Variants in RAE1 observed in about 807,000 individuals in gnomAD.
RAE1 encodes mRNA export factor RAE1.
A neutral mutation model predicts 52.7 loss-of-function variants in RAE1; 13 were observed. That is an observed-to-expected ratio of 0.25 (90% CI 0.16 to 0.39). RAE1 has a LOEUF of 0.39. RAE1 is among the 10% of genes least tolerant of loss of function. RAE1 has a pLI of 1.00. For synonymous variants in RAE1, 164 were observed against 153.1 expected (o/e 1.07, Z -0.52); for missense variants, 262 against 459.8 (o/e 0.57, Z 3.93).
At chr20:57,354,934 T>G (rs1739765941) in intron 3 of RAE1, 118 bp downstream of exon 3, 1 of 707,046 alleles carries the variant, frequency 1.4e-6, no homozygotes, top group South Asian at 2.5e-5. Context: ...TGGCCTTTTT[T>G]GAGAAATCAA....
intron 1 of RAE1, among the ~76,000 whole-genome samples, chr20:57,352,552 G>A (rs1429406652): frequency 1.3e-5 from 2 of 152,168 alleles, no homozygotes; most frequent in East Asian, 3.8e-4. Context: ...CATAAGGTGT[G>A]GTCCACACTG....
At chr20:57,373,810 G>C in intron 10 of RAE1, 72 bp downstream of exon 10, 1 of 1,488,418 alleles carries the variant, frequency 6.7e-7, no homozygotes, top group Non-Finnish European at 9.4e-7. Flanking sequence ...AGGAATTGTG[G>C]GATCAGAAAA....
At chr20:57,356,843 T>G (rs1034899869) in intron 4 of RAE1, among the ~76,000 whole-genome samples, 15 of 152,224 alleles carry the variant, frequency 9.9e-5, no homozygotes, top group African/African-American at 3.1e-4. Flanking sequence ...TGGGCGGGCC[T>G]CCTGGAGCAC....
At chr20:57,365,182 T>A (rs551486739) in intron 4 of RAE1, among the ~76,000 whole-genome samples, 174 bp from the exon 5 acceptor site, 12 of 152,324 alleles carry the variant, frequency 7.9e-5, no homozygotes, top group African/African-American at 2.6e-4. Context: ...ATGAAATAGA[T>A]GAAAATGAAT....
At chr20:57,373,300 G>A in intron 8 of RAE1, 175 bp from the exon 9 acceptor site, 1 of 631,452 alleles carries the variant, frequency 1.6e-6, no homozygotes, top group Non-Finnish European at 2.7e-6. Flanking sequence ...TAAACTCACT[G>A]CTTAGATGGA....
At chr20:57,356,360 A>G in intron 3 of RAE1, 86 bp from the exon 4 acceptor site, 1 of 977,412 alleles carries the variant, frequency 1.0e-6, no homozygotes, top group South Asian at 1.5e-5. Flanking sequence ...TGTATGGTTA[A>G]GGTGTACCCC....
chr20:57,373,831 T>C, intron 10 of RAE1, 93 bp downstream of exon 10: 1 of 1,288,014 alleles, frequency 7.8e-7, no homozygotes, highest in Admixed American at 1.8e-5. Context: ...GACTCATCAC[T>C]GAAGAGCTTG....
chr20:57,379,063 A>G lies in RAE1; in HGVS notation c.*964A>G, dbSNP rs2067152408. On this transcript the variant is annotated 3_prime_UTR_variant, in exon 12 of 12. Transcript: ENST00000395841. ...ACTGTATTTCTCACCTGTGATCTCAAATGCTTCTTAGGCCTTTCTGTTTGG... is the reference window on the plus strand; with the variant it reads ...ACTGTATTTCTCACCTGTGATCTCAGATGCTTCTTAGGCCTTTCTGTTTGG... 2.0e-5 allele frequency: 3 copies of G among 152,154 alleles called. No homozygotes were observed. Among genetic ancestry groups the G allele is most frequent in the African/African-American group, 7.2e-5 (3 of 41,432 alleles). The allele number at this position is 152,154 out of a possible 1,614,324, so 9.4% of individuals were successfully genotyped here. A position where few individuals can be genotyped will look rare whatever the true frequency, so the allele number is the denominator to read the frequency against.
chr20:57,356,349 A>G (rs562670514), intron 3 of RAE1, 97 bp from the exon 4 acceptor site: 23 of 818,164 alleles, frequency 2.8e-5, no homozygotes, highest in African/African-American at 6.7e-5. Context: ...TGAGAAGTCT[A>G]TGTATGGTTA....
chr20:57,356,602 A>T, intron 4 of RAE1, 64 bp downstream of exon 4: 1 of 1,401,930 alleles, frequency 7.1e-7, no homozygotes, highest in East Asian at 2.5e-5. Flanking sequence ...TAGAATATTT[A>T]ATAATCCAAA....
At position 57,366,719 on chromosome 20, in the gene RAE1, G is replaced by T. The variant is rs879224970; in HGVS notation, c.376-88G>T. On this transcript the variant is annotated intron_variant, in intron 5 of 11. Coordinates refer to ENST00000395841, the MANE Select transcript of RAE1 (RefSeq NM_003610.4). The stretch of plus-strand genomic sequence containing the variant: ...TGGTATGGCCCCAGTATTTAAATTA[G>T]TTTCTTCCCTTTGAATTGCCACAAC... 11 of 1,272,092 alleles carry T rather than the reference G, an allele frequency of 8.6e-6. No individual in the cohort carries two copies. The South Asian group carries it at 1.2e-4, about 14-fold the overall frequency. The allele number at this position is 1,272,092 out of a possible 1,614,324, so 78.8% of individuals were successfully genotyped here. A position where few individuals can be genotyped will look rare whatever the true frequency, so the allele number is the denominator to read the frequency against.
intron 4 of RAE1, among the ~76,000 whole-genome samples, chr20:57,357,208 C>T (rs2066801623): frequency 1.3e-5 from 2 of 152,140 alleles, no homozygotes; most frequent in South Asian, 4.1e-4. Context: ...GAGTTGTGTT[C>T]TAGATATAGA....
chr20:57,366,550 T>C (rs1306355121), intron 5 of RAE1, among the ~76,000 whole-genome samples: 1 of 152,092 alleles, frequency 6.6e-6, no homozygotes, highest in East Asian at 1.9e-4. Context: ...ACAGGAGGGA[T>C]CCGCCCCCAT....
At chr20:57,368,655 CA>C in intron 7 of RAE1, 49 bp from the exon 8 acceptor site, 1 of 1,330,134 alleles carries the variant, frequency 7.5e-7, no homozygotes, top group Non-Finnish European at 1.1e-6. Flanking sequence ...AGTATAAAAA[CA>C]GCACACTCCT....
At chr20:57,351,919 G>C (rs560616847) in intron 1 of RAE1, 134 of 985,354 alleles carry the variant, frequency 1.4e-4, no homozygotes, top group Non-Finnish European at 1.6e-4. Context: ...TACTTCTCCA[G>C]GCAAGTAGTA....
chr20:57,366,514 C>T (rs762069005), intron 5 of RAE1, among the ~76,000 whole-genome samples: 1 of 152,172 alleles, frequency 6.6e-6, no homozygotes, highest in Non-Finnish European at 1.5e-5. Flanking sequence ...TCTCAGAGAA[C>T]TCACTATTGT....
chr20:57,373,346 T>C, intron 8 of RAE1, 129 bp from the exon 9 acceptor site: 1 of 804,360 alleles, frequency 1.2e-6, no homozygotes. Flanking sequence ...CTTACTGCTG[T>C]ATCATATTTG....
At chr20:57,362,559 A>G (rs528922879) in intron 4 of RAE1, among the ~76,000 whole-genome samples, 1 of 152,372 alleles carries the variant, frequency 6.6e-6, no homozygotes, top group African/African-American at 2.4e-5. Context: ...TAACTAATGC[A>G]GGAATCCTTT....
chr20:57,363,629 A>C (rs1397722063), intron 4 of RAE1, among the ~76,000 whole-genome samples: 1 of 152,232 alleles, frequency 6.6e-6, no homozygotes, highest in African/African-American at 2.4e-5. Flanking sequence ...TGATTGCACC[A>C]TTGCACTCCA....
Sources: allele counts gnomAD v4.1 joint callset (sites outside exome capture counted in the v4.1 genomes callset), GRCh38; gene constraint gnomAD v4.1.1; transcripts MANE v1.5; gene names NCBI Gene and HGNC (gene_info 2026-07-23, HGNC 2026-07-21).